USP10: variants seen among roughly 807,000 people sequenced by gnomAD.
The protein encoded by USP10 is ubiquitin specific peptidase 10.
Under a neutral mutation model 84.5 loss-of-function variants are expected in USP10, and 22 were observed. The ratio of observed to expected loss-of-function variants is 0.26; its 90% confidence interval spans 0.19 to 0.37. The LOEUF (loss-of-function observed/expected upper bound fraction) is 0.37, where lower values mean the gene tolerates loss of function less well. Ranked by LOEUF, USP10 falls within the 10% of genes least tolerant of loss-of-function variation. The pLI is 1.00. For synonymous variants in USP10, 454 were observed against 387.6 expected (o/e 1.17, Z -2.01); for missense variants, 1,019 against 998.9 (o/e 1.02, Z -0.27).
chr16:84,776,020 C>A (rs1459438353), intron 13 of USP10, among the ~76,000 whole-genome samples: 4 of 152,186 alleles, frequency 2.6e-5, no homozygotes, highest in African/African-American at 4.8e-5. Flanking sequence ...CTTTGGTGAA[C>A]CTGTTTGTAT....
intron 4 of USP10, among the ~76,000 whole-genome samples, chr16:84,754,674 A>G (rs751989104): frequency 3.9e-5 from 6 of 152,228 alleles, no homozygotes; most frequent in African/African-American, 1.2e-4. Flanking sequence ...ATTTAAGGGA[A>G]TGGCTGATGT....
At chr16:84,748,638 A>T (rs1029062345) in intron 4 of USP10, among the ~76,000 whole-genome samples, 1 of 152,214 alleles carries the variant, frequency 6.6e-6, no homozygotes, top group Non-Finnish European at 1.5e-5. Context: ...AAATTGCTCC[A>T]CAAAGGAAAA....
Position 84,762,662 on chromosome 16 carries a change from G to C in USP10, c.1555-327G>C, listed in dbSNP as rs138341791. On this transcript the variant is annotated intron_variant, in intron 8 of 13. Coordinates refer to ENST00000219473, the MANE Select transcript of USP10 (RefSeq NM_005153.3). Reference sequence around the variant, plus strand: ...GCTGAGATTGCACCACTGCACTCCAGCCTGGGTGACGGAATGAGACTTTGT... The same window carrying C: ...GCTGAGATTGCACCACTGCACTCCACCCTGGGTGACGGAATGAGACTTTGT... 3.0e-3 allele frequency among the ~76,000 whole-genome samples: 447 copies of C among 150,846 alleles called. 1 individual carries two copies. The highest frequency in any genetic ancestry group is 0.01 in the African/African-American group (426 of 41,016).
intron 1 of USP10, among the ~76,000 whole-genome samples, chr16:84,732,225 T>C (rs1194428331): frequency 1.3e-5 from 2 of 152,208 alleles, no homozygotes; most frequent in Non-Finnish European, 1.5e-5. Flanking sequence ...ATTTAGTTAC[T>C]GGTTATTTTT....
At chr16:84,712,943 C>A (rs1204039808) in intron 1 of USP10, among the ~76,000 whole-genome samples, 1 of 152,210 alleles carries the variant, frequency 6.6e-6, no homozygotes, top group East Asian at 1.9e-4. Context: ...TGTGGGGGCT[C>A]CGTGTACTAA....
chr16:84,768,810 AAATAT>A (rs1183268281), intron 11 of USP10, among the ~76,000 whole-genome samples: 4 of 152,192 alleles, frequency 2.6e-5, no homozygotes, highest in Admixed American at 6.5e-5. Flanking sequence ...TAGTCATTGT[AAATAT>A]AATATAGTCA....
chr16:84,702,993 C>CAAAAAAAAAAAAAAAAAAAAAAA (rs1157728872), intron 1 of USP10, among the ~76,000 whole-genome samples: 3 of 52,164 alleles, frequency 5.8e-5, no homozygotes, highest in African/African-American at 1.7e-4. Context: ...ACTCCCGTCT[C>CAAAAAAAAAAAAAAAAAAAAAAA]AAAAAAAAAA....
chr16:84,722,530 GCTT>G (rs1456127479), intron 1 of USP10, among the ~76,000 whole-genome samples: 1 of 152,172 alleles, frequency 6.6e-6, no homozygotes, highest in African/African-American at 2.4e-5. Context: ...GTATGAGAAT[GCTT>G]CTTCTCTGTC....
At chr16:84,700,457 C>A (rs964055189) in intron 1 of USP10, among the ~76,000 whole-genome samples, 6 of 151,796 alleles carry the variant, frequency 4.0e-5, no homozygotes, top group Non-Finnish European at 8.8e-5. Flanking sequence ...CCGCGCCGGC[C>A]GGGGGAGGCG....
chr16:84,726,393 G>C (rs1908482921), intron 1 of USP10, among the ~76,000 whole-genome samples: 1 of 152,204 alleles, frequency 6.6e-6, no homozygotes, highest in Admixed American at 6.5e-5. Context: ...CTGAGGGCAA[G>C]GTCTTTGTTT....
At position 84,758,768 on chromosome 16, in the gene USP10, T is replaced by G. The variant is rs774271302; in HGVS notation, c.1245T>G (p.Arg415=). ...ATAAACCAGTGTCGTTGCAACCCCG[T>G]GGGCTGATCAATAAAGGGAACTGGT... The part of the protein sequence containing the change: ...LIHKPVSLQP[R]GLINKGNWCY... Residue 415 remains arginine, a synonymous_variant, in exon 5 of 14, where the codon CGT becomes CGG. Coordinates refer to ENST00000219473, the MANE Select transcript of USP10 (RefSeq NM_005153.3). 6.2e-7 allele frequency: 1 copy of G among 1,613,794 alleles called. No individual in the cohort carries two copies. The highest frequency in any genetic ancestry group is 1.3e-5 in the African/African-American group (1 of 74,928).
chr16:84,705,783 G>A (rs557787082), intron 1 of USP10, among the ~76,000 whole-genome samples: 1 of 141,752 alleles, frequency 7.1e-6, no homozygotes, highest in East Asian at 2.1e-4. Context: ...GCAGTGGTGC[G>A]ATCTGGGTTC....
At position 84,718,260 on chromosome 16, in the gene USP10, A is replaced by G. The variant is rs140340599; in HGVS notation, c.22-15175A>G. On this transcript the variant is annotated intron_variant, in intron 1 of 13. Coordinates refer to ENST00000219473, the MANE Select transcript of USP10 (RefSeq NM_005153.3). Reference sequence around the variant, plus strand: ...TTTCTGAAGAGTTGCTTGTGAGTTCATTTATTTTATTGAGACAGGATTGTA... The same window carrying G: ...TTTCTGAAGAGTTGCTTGTGAGTTCGTTTATTTTATTGAGACAGGATTGTA... 7.5e-4 allele frequency among the ~76,000 whole-genome samples: 114 copies of G among 152,238 alleles called. 1 individual carries two copies. The East Asian group carries it at 0.01, about 13-fold the overall frequency.
chr16:84,728,938 A>G (rs1185543822), intron 1 of USP10, among the ~76,000 whole-genome samples: 2 of 151,834 alleles, frequency 1.3e-5, no homozygotes, highest in African/African-American at 2.4e-5. Flanking sequence ...AGCTGGGATT[A>G]CAGGCACCCA....
intron 4 of USP10, among the ~76,000 whole-genome samples, chr16:84,752,770 C>T (rs971200136): frequency 6.6e-6 from 1 of 152,102 alleles, no homozygotes; most frequent in African/African-American, 2.4e-5. Context: ...CTTCATAAAG[C>T]GTTAGTGTCT....
intron 1 of USP10, among the ~76,000 whole-genome samples, chr16:84,729,789 T>C (rs1480025579): frequency 6.6e-6 from 1 of 152,208 alleles, no homozygotes; most frequent in Admixed American, 6.5e-5. Context: ...TGAGCCAGTG[T>C]TAAGGAAATT....
At chr16:84,746,630 G>A (rs551714802) in intron 4 of USP10, among the ~76,000 whole-genome samples, 1 of 152,336 alleles carries the variant, frequency 6.6e-6, no homozygotes, top group Non-Finnish European at 1.5e-5. Flanking sequence ...ACCGTGAATG[G>A]AGCTTGCAAG....
chr16:84,728,462 C>T (rs1057438836), intron 1 of USP10, among the ~76,000 whole-genome samples: 1 of 152,040 alleles, frequency 6.6e-6, no homozygotes, highest in African/African-American at 2.4e-5. Context: ...GCCTCAGCCT[C>T]CCGGGTAGCT....
At chr16:84,744,133 A>C (rs906241403) in intron 3 of USP10, among the ~76,000 whole-genome samples, 1 of 151,358 alleles carries the variant, frequency 6.6e-6, no homozygotes, top group Non-Finnish European at 1.5e-5. Flanking sequence ...TCTCCTATCC[A>C]GTATGTATAG....
Sources: gnomAD v4.1 joint callset for allele counts (sites outside exome capture counted in the v4.1 genomes callset) on GRCh38, gnomAD v4.1.1 for gene constraint, MANE v1.5 for transcripts, NCBI Gene and HGNC (gene_info 2026-07-23, HGNC 2026-07-21) for gene names.